Variants in ALG1L2 observed in about 807,000 individuals in gnomAD.
The protein encoded by ALG1L2 is ALG1 chitobiosyldiphosphodolichol beta-mannosyltransferase like 2.
A neutral mutation model predicts 29.0 loss-of-function variants in ALG1L2; 32 were observed. That is an observed-to-expected ratio of 1.10 (90% confidence interval 0.83 to 1.48). ALG1L2 has a LOEUF of 1.48. ALG1L2 is among the 40% of genes most tolerant of loss of function. The probability of loss-of-function intolerance (pLI) is 0.00; values close to 1 mark genes in which losing one functional copy is unlikely to be tolerated. For missense variants in ALG1L2, 318 were observed against 274.1 expected (o/e 1.16, Z -1.13); for synonymous variants, 110 against 109.5 (o/e 1.00, Z -0.03).
intron 5 of ALG1L2, among the ~76,000 whole-genome samples, chr3:130,095,839 G>A (rs1028327508): frequency 6.6e-6 from 1 of 152,150 alleles, no homozygotes. Context: ...ATCAAATTGT[G>A]GTTACGTAGA....
rs184497646 is a variant in ALG1L2 at position 130,087,351 on chromosome 3, A to G, written c.21-3910A>G. The stretch of plus-strand genomic sequence containing the variant: ...CGTCTTGCGTTCTTCAAGAATGCCA[A>G]TACCATGAAAGATAAAGAAAAACTG... On this transcript the variant is annotated intron_variant, in intron 1 of 7. Coordinates refer to ENST00000425059, the MANE Select transcript of ALG1L2 (RefSeq NM_001136152.1). Among the ~76,000 whole-genome samples the G allele has an allele frequency of 2.7e-3, 396 of 148,624 alleles. 1 individual carries two copies. The highest frequency in any genetic ancestry group is 9.3e-3 in the African/African-American group (386 of 41,348).
Position 130,093,106 on chromosome 3 carries a change from G to C in ALG1L2, c.259G>C (p.Glu87Gln). 1 of 1,585,942 alleles carries C rather than the reference G, an allele frequency of 6.3e-7. No homozygotes were observed. Among genetic ancestry groups the C allele is most frequent in the Non-Finnish European group, 8.6e-7 (1 of 1,165,128 alleles). Residue 87 changes from glutamate (E) to glutamine (Q), a missense_variant, in exon 4 of 8, where the codon GAA becomes CAA. Transcript: ENST00000425059. ...LVSSTSWTEF[E>Q]QLTLDGQNLP... ...GTTTCTTTTTTTAAACACAGAGTTT[G>C]AACAACTGACTCTTGACGGACAGAA...
chr3:130,095,454 A>G (rs1935110409), intron 5 of ALG1L2, among the ~76,000 whole-genome samples: 1 of 142,022 alleles, frequency 7.0e-6, no homozygotes, highest in East Asian at 2.0e-4. Flanking sequence ...TATTATTTTG[A>G]GACGGAGTTT....
intron 1 of ALG1L2, 54 bp downstream of exon 1, chr3:130,082,090 G>C: frequency 3.4e-6 from 5 of 1,485,884 alleles, no homozygotes; most frequent in Non-Finnish European, 2.7e-6. Context: ...CCCTGGGTTG[G>C]CCTGCGTCTG....
At chr3:130,089,058 G>C (rs893194276) in intron 1 of ALG1L2, among the ~76,000 whole-genome samples, 4 of 151,736 alleles carry the variant, frequency 2.6e-5, no homozygotes, top group African/African-American at 9.7e-5. Context: ...TTGCTGGTGG[G>C]TCCTGTCATT....
At chr3:130,083,569 A>T (rs200615183) in intron 1 of ALG1L2, among the ~76,000 whole-genome samples, 1,673 of 59,428 alleles carry the variant, frequency 0.028, 12 homozygotes, top group Middle Eastern at 0.077. Context: ...CTGTGATTCC[A>T]CATTTGAGTC....
At chr3:130,082,136 A>C in intron 1 of ALG1L2, 100 bp downstream of exon 1, 1 of 1,374,144 alleles carries the variant, frequency 7.3e-7, no homozygotes, top group South Asian at 1.3e-5. Context: ...ATCAGGGTAC[A>C]GGCAGTCCTC....
intron 1 of ALG1L2, among the ~76,000 whole-genome samples, chr3:130,083,759 C>T (rs904088199): frequency 5.3e-5 from 7 of 132,908 alleles, no homozygotes; most frequent in African/African-American, 1.8e-4. Flanking sequence ...TATGTTAATA[C>T]TTCAGCAGTG....
At chr3:130,083,654 T>C (rs1302350192) in intron 1 of ALG1L2, among the ~76,000 whole-genome samples, 1 of 129,870 alleles carries the variant, frequency 7.7e-6, no homozygotes, top group African/African-American at 2.6e-5. Context: ...ATTTAAAATG[T>C]TAACTTTTTT....
In ALG1L2 at chr3:130,094,521, G is replaced by A; in HGVS notation, c.424+8G>A. 1.9e-6 allele frequency: 3 copies of A among 1,558,988 alleles called. No individual in the cohort carries two copies. Among genetic ancestry groups the A allele is most frequent in the South Asian group, 1.1e-5 (1 of 90,578 alleles). Reference sequence around the variant, plus strand: ...GACTACCCCCGCTTCTAGGTGAGAGGCCAGCAGGAGGCTCAGGGAGGAGGC... The same window carrying A: ...GACTACCCCCGCTTCTAGGTGAGAGACCAGCAGGAGGCTCAGGGAGGAGGC... On this transcript the variant is annotated splice_region_variant and intron_variant, in intron 5 of 7. Transcript: ENST00000425059.
intron 1 of ALG1L2, among the ~76,000 whole-genome samples, chr3:130,082,719 C>A (rs1246381121): frequency 1.3e-5 from 2 of 148,964 alleles, no homozygotes; most frequent in African/African-American, 4.9e-5. Context: ...ATATGAGTTA[C>A]CCCCGTCCCT....
Position 130,091,344 on chromosome 3 carries a change from G to A in ALG1L2, c.104G>A (p.Gly35Asp). 1.9e-6 allele frequency: 3 copies of A among 1,597,486 alleles called. No homozygotes were observed. Among genetic ancestry groups the A allele is most frequent in the African/African-American group, 1.3e-5 (1 of 74,964 alleles). Reference sequence around the variant, plus strand: ...CAGCACCGGCTCTTCATGAAGCTGGGCAGCACGCACTCTCCGTTCAGGGCC... The same window carrying A: ...CAGCACCGGCTCTTCATGAAGCTGGACAGCACGCACTCTCCGTTCAGGGCC... ...DLQHRLFMKL[G>D]STHSPFRARS... The change falls in exon 2 of 8, where the codon GGC becomes GAC. Residue 35 changes from glycine to aspartate, a missense_variant. Transcript: ENST00000425059.
At position 130,092,217 on chromosome 3, in the gene ALG1L2, G is replaced by A. The variant is rs562965178; in HGVS notation, c.248G>A (p.Trp83Ter). 9.9e-5 allele frequency: 159 copies of A among 1,610,088 alleles called. No homozygotes were observed. The African/African-American group carries it at 1.1e-3, about 11-fold the overall frequency. ...GCCCTGCTGGTCAGCAGCACAAGCT[G>A]GACAGGTCTGCATGACCACTGGGGC... is the stretch of plus-strand genomic sequence containing the variant. The part of the protein sequence containing the change: ...RPALLVSSTS[W>*]TEFEQLTLDG... Residue 83 changes from tryptophan (W) to a stop codon, truncating the protein, a stop_gained, in exon 3 of 8, where the codon TGG becomes TAG. Transcript: ENST00000425059. LOFTEE classifies it high-confidence loss of function.
intron 1 of ALG1L2, among the ~76,000 whole-genome samples, chr3:130,083,268 A>AC (rs2108113026): frequency 7.1e-6 from 1 of 140,790 alleles, no homozygotes; most frequent in South Asian, 2.3e-4. Flanking sequence ...ACATGGCGAA[A>AC]CCCCGTCTCT....
intron 7 of ALG1L2, 49 bp downstream of exon 7, chr3:130,097,299 G>T (rs1270654135): frequency 5.0e-6 from 8 of 1,594,446 alleles, no homozygotes; most frequent in Non-Finnish European, 6.8e-6. Flanking sequence ...CTGGAGACTG[G>T]CACCGAGCCA....
Position 130,087,326 on chromosome 3 carries a change from C to T in ALG1L2, c.21-3935C>T, listed in dbSNP as rs529209503. On this transcript the variant is annotated intron_variant, in intron 1 of 7. Transcript: ENST00000425059. ...AGTAAGGGACATTCTATCAAATAAC[C>T]GTCTTGCGTTCTTCAAGAATGCCAA... Among the ~76,000 whole-genome samples, 9 of 149,288 alleles carry T rather than the reference C, an allele frequency of 6.0e-5. No individual in the cohort carries two copies. The South Asian group carries it at 6.4e-4, about 11-fold the overall frequency.
intron 1 of ALG1L2, among the ~76,000 whole-genome samples, chr3:130,085,497 A>G (rs1299194030): frequency 7.2e-6 from 1 of 138,074 alleles, no homozygotes; most frequent in African/African-American, 2.5e-5. Flanking sequence ...TCAGCCTCCC[A>G]AAGTGCTAGG....
intron 1 of ALG1L2, among the ~76,000 whole-genome samples, chr3:130,086,394 T>G (rs569157136): frequency 6.7e-6 from 1 of 148,172 alleles, no homozygotes; most frequent in African/African-American, 2.4e-5. Flanking sequence ...GAGGTGGGCA[T>G]GGTGGCTCAT....
intron 1 of ALG1L2, among the ~76,000 whole-genome samples, chr3:130,090,541 T>C (rs1345119407): frequency 6.6e-6 from 1 of 152,308 alleles, no homozygotes; most frequent in Non-Finnish European, 1.5e-5. Context: ...TGCTCATTTC[T>C]CACAGCTTGC....
Sources: gnomAD v4.1 joint callset for allele counts (sites outside exome capture counted in the v4.1 genomes callset) on GRCh38, gnomAD v4.1.1 for gene constraint, MANE v1.5 for transcripts, NCBI Gene and HGNC (gene_info 2026-07-23, HGNC 2026-07-21) for gene names.